The following TYRP1 variants were observed in gnomAD, a reference collection of about 807,000 sequenced individuals.
TYRP1 encodes 5,6-dihydroxyindole-2-carboxylic acid oxidase.
In TYRP1, 49 loss-of-function variants were observed where a neutral mutation model predicts 42.8. The ratio of observed to expected loss-of-function variants is 1.14; its 90% CI spans 0.91 to 1.45. The LOEUF is 1.45. TYRP1 is among the 40% of genes most tolerant of loss of function. The probability of loss-of-function intolerance (pLI) is 0.00; values close to 1 mark genes in which losing one functional copy is unlikely to be tolerated. For synonymous variants in TYRP1, 279 were observed against 235.4 expected, an observed-to-expected ratio of 1.19 and a Z score of -1.69; for missense variants, 848 against 662.0, an observed-to-expected ratio of 1.28 and a Z score of -3.08.
Position 12,698,598 on chromosome 9 carries a change from T to A in TYRP1, c.856T>A (p.Trp286Arg). Reference protein sequence around the residue: ...LISPNSVFSQWRVVCDSLEDY... With the variant: ...LISPNSVFSQRRVVCDSLEDY... ...AAGCCCAAACTCTGTCTTTTCTCAA[T>A]GGCGAGTGGTCTGTGACTCCTTGGA... is the stretch of plus-strand genomic sequence containing the variant. Residue 286 changes from tryptophan to arginine, a missense_variant, in exon 4 of 8, where the codon TGG becomes AGG. Physicochemically the swap from Trp to Arg is moderately radical, Grantham distance 101 (BLOSUM62 -3). Transcript: ENST00000388918. The A allele has an allele frequency of 6.2e-7, 1 of 1,613,812 alleles. No individual in the cohort carries two copies. Among genetic ancestry groups the A allele is most frequent in the Non-Finnish European group, 8.5e-7 (1 of 1,179,794 alleles).
chr9:12,708,482 A>G (rs1818297864), intron 7 of TYRP1, among the ~76,000 whole-genome samples: 1 of 151,928 alleles, frequency 6.6e-6, no homozygotes. Flanking sequence ...AATGAGTTTG[A>G]GCTTAGGCCC....
intron 6 of TYRP1, among the ~76,000 whole-genome samples, chr9:12,705,962 A>G (rs767133822): frequency 5.3e-5 from 8 of 152,110 alleles, no homozygotes; most frequent in African/African-American, 1.9e-4. Flanking sequence ...AAGTGAAACA[A>G]TAAATGAGTG....
chr9:12,709,065 T>A lies in TYRP1; in HGVS notation c.1497T>A (p.Tyr499Ter), dbSNP rs1818310541. The stretch of plus-strand genomic sequence containing the variant: ...CACTCATTTTTGGGACTGCTTCTTA[T>A]CTGATTCGTGCCAGACGCAGTATGG... ...LVALIFGTAS[Y>*]LIRARRSMDE... The change falls in exon 8 of 8, where the codon TAT becomes TAA. Residue 499 changes from tyrosine to a stop codon, truncating the protein, a stop_gained. Coordinates refer to ENST00000388918, the MANE Select transcript of TYRP1 (RefSeq NM_000550.3). LOFTEE classifies it high-confidence loss of function. 6.2e-7 allele frequency: 1 copy of A among 1,612,892 alleles called. No individual in the cohort carries two copies. The highest frequency in any genetic ancestry group is 8.5e-7 in the Non-Finnish European group (1 of 1,179,288).
chr9:12,708,059 C>T lies in TYRP1; in HGVS notation c.1324C>T (p.Pro442Ser), dbSNP rs778168386. 6 of 1,612,732 alleles carry T rather than the reference C, an allele frequency of 3.7e-6. No individual in the cohort carries two copies. Among genetic ancestry groups the T allele is most frequent in the Non-Finnish European group, 4.2e-6 (5 of 1,179,264 alleles). ...IGHNRQYNMV[P>S]FWPPVTNTEM... ...ACATAATAGACAATACAACATGGTG[C>T]CATTCTGGCCCCCAGTCACCAACAC... Residue 442 changes from proline to serine, a missense_variant, in exon 7 of 8, where the codon CCA (proline) becomes TCA (serine). Transcript: ENST00000388918.
intron 6 of TYRP1, among the ~76,000 whole-genome samples, chr9:12,706,892 CTT>C (rs1381270499): frequency 6.6e-6 from 1 of 151,806 alleles, no homozygotes; most frequent in East Asian, 1.9e-4. Flanking sequence ...ATAGAAAGCT[CTT>C]TACAAATTGC....
chr9:12,698,218 T>A (rs1818107582), intron 3 of TYRP1, among the ~76,000 whole-genome samples: 1 of 152,122 alleles, frequency 6.6e-6, no homozygotes, highest in African/African-American at 2.4e-5. Context: ...AATGTCTGCA[T>A]AATGAGTTGA....
At chr9:12,698,381 G>C in intron 3 of TYRP1, 70 bp from the exon 4 acceptor site, 4 of 1,440,548 alleles carry the variant, frequency 2.8e-6, no homozygotes, top group Non-Finnish European at 3.9e-6. Flanking sequence ...GACTGTCAGA[G>C]AGTAGACCAA....
intron 7 of TYRP1, 56 bp downstream of exon 7, chr9:12,708,199 C>T: frequency 6.3e-7 from 1 of 1,590,628 alleles, no homozygotes; most frequent in South Asian, 1.1e-5. Context: ...AATGTGTTAT[C>T]TTTCAAGTAG....
At chr9:12,700,696 T>C (rs1818152955) in intron 4 of TYRP1, 1 of 152,094 alleles carries the variant, frequency 6.6e-6, no homozygotes, top group Admixed American at 6.6e-5. Flanking sequence ...TTTTCTACAA[T>C]GGAACTCTGT....
chr9:12,703,690 T>A (rs1253515241), intron 5 of TYRP1, among the ~76,000 whole-genome samples: 1 of 151,766 alleles, frequency 6.6e-6, no homozygotes. Context: ...ACAATTCATC[T>A]TAGATGAAGA....
In TYRP1 at chr9:12,695,844, A is replaced by G. The variant is rs1233715699; in HGVS notation, c.708+7A>G. ...TCTGGAGAAAGACATGCAGGTATGT[A>G]AGAAGCATTTCAGTTTGCAGACTCT... On this transcript the variant is annotated splice_region_variant and intron_variant, in intron 3 of 7. Coordinates refer to ENST00000388918, the MANE Select transcript of TYRP1 (RefSeq NM_000550.3). 1 of 1,613,704 alleles carries G rather than the reference A, an allele frequency of 6.2e-7. No homozygotes were observed. Among genetic ancestry groups the G allele is most frequent in the Admixed American group, 1.7e-5 (1 of 60,008 alleles).
Position 12,695,559 on chromosome 9 carries a change from T to C in TYRP1, c.430T>C (p.Phe144Leu). 6.2e-7 allele frequency: 1 copy of C among 1,614,120 alleles called. No individual in the cohort carries two copies. Among genetic ancestry groups the C allele is most frequent in the Non-Finnish European group, 8.5e-7 (1 of 1,180,018 alleles). Residue 144 changes from phenylalanine to leucine, a missense_variant, in exon 3 of 8, where the codon TTT becomes CTT. Coordinates refer to ENST00000388918, the MANE Select transcript of TYRP1 (RefSeq NM_000550.3). ...LDLSKEEKNHFVRALDMAKRT... is the reference protein window; with the variant it reads ...LDLSKEEKNHLVRALDMAKRT... ...CTTAAGTAAAGAAGAAAAGAACCAC[T>C]TTGTCCGGGCCCTGGATATGGCAAA...
Position 12,695,853 on chromosome 9 carries a change from T to G in TYRP1, c.708+16T>G, listed in dbSNP as rs749362287. Reference sequence around the variant, plus strand: ...AGACATGCAGGTATGTAAGAAGCATTTCAGTTTGCAGACTCTTTACAGACA... The same window carrying G: ...AGACATGCAGGTATGTAAGAAGCATGTCAGTTTGCAGACTCTTTACAGACA... On this transcript the variant is annotated intron_variant, in intron 3 of 7. Transcript: ENST00000388918. The G allele has an allele frequency of 1.2e-5, 19 of 1,612,980 alleles. No homozygotes were observed. The highest frequency in any genetic ancestry group is 1.6e-5 in the Non-Finnish European group (19 of 1,179,638).
rs748069669 is a variant in TYRP1 at position 12,704,529 on chromosome 9, A to G, written c.1085A>G (p.Tyr362Cys). The G allele has an allele frequency of 2.3e-5, 37 of 1,611,654 alleles. No individual in the cohort carries two copies. The highest frequency in any genetic ancestry group is 3.1e-5 in the Non-Finnish European group (37 of 1,179,264). ...CTCCTCCTTACCATGTGTCTAGGTT[A>G]CAGTGACCCCACGGGAAAGTATGAC... ...TNSFRNTVEG[Y>C]SDPTGKYDPA... The change falls in exon 6 of 8, where the codon TAC becomes TGC. Residue 362 changes from tyrosine (Y) to cysteine (C), a missense_variant. By Grantham distance (194) the Tyr-to-Cys change is radical (BLOSUM62 -2). Transcript: ENST00000388918.
intron 7 of TYRP1, 27 bp downstream of exon 7, chr9:12,708,170 G>A: frequency 6.2e-7 from 1 of 1,611,578 alleles, no homozygotes; most frequent in Non-Finnish European, 8.5e-7. Flanking sequence ...TATTTTTACT[G>A]TGATAATTTC....
Position 12,708,102 on chromosome 9 carries a change from C to G in TYRP1, c.1367C>G (p.Ala456Gly), listed in dbSNP as rs774369090. 1.2e-6 allele frequency: 2 copies of G among 1,612,786 alleles called. No homozygotes were observed. Among genetic ancestry groups the G allele is most frequent in the Non-Finnish European group, 1.7e-6 (2 of 1,179,284 alleles). ...PVTNTEMFVTAPDNLGYTYEI... is the reference protein window; with the variant it reads ...PVTNTEMFVTGPDNLGYTYEI... The stretch of plus-strand genomic sequence containing the variant: ...ACCAACACAGAAATGTTTGTTACTG[C>G]TCCAGACAACCTGGGATACACTTAT... Residue 456 changes from alanine to glycine, a missense_variant, in exon 7 of 8, where the codon GCT becomes GGT. Ala to Gly is a moderately conservative substitution (Grantham distance 60, BLOSUM62 0). Transcript: ENST00000388918.
Position 12,704,558 on chromosome 9 carries a change from G to T in TYRP1, c.1114G>T (p.Ala372Ser). The T allele has an allele frequency of 1.9e-6, 3 of 1,612,822 alleles. No individual in the cohort carries two copies. The highest frequency in any genetic ancestry group is 2.5e-6 in the Non-Finnish European group (3 of 1,179,422). The change falls in exon 6 of 8, where the codon GCT (alanine) becomes TCT (serine). Residue 372 changes from alanine to serine, a missense_variant. Coordinates refer to ENST00000388918, the MANE Select transcript of TYRP1 (RefSeq NM_000550.3). ...TGACCCCACGGGAAAGTATGACCCTGCTGTTCGAAGTCTTCACAATTTGGC... is the reference window on the plus strand; with the variant it reads ...TGACCCCACGGGAAAGTATGACCCTTCTGTTCGAAGTCTTCACAATTTGGC... Reference protein sequence around the residue: ...YSDPTGKYDPAVRSLHNLAHL... With the variant: ...YSDPTGKYDPSVRSLHNLAHL...
chr9:12,708,278 G>C (rs1269878813), intron 7 of TYRP1, 135 bp downstream of exon 7: 1 of 1,084,002 alleles, frequency 9.2e-7, no homozygotes, highest in African/African-American at 1.6e-5. Context: ...ACTTTTATTT[G>C]AGGATAAGGG....
At position 12,698,531 on chromosome 9, in the gene TYRP1, T is replaced by C. The variant is rs779089153; in HGVS notation, c.789T>C (p.Asp263=). The C allele has an allele frequency of 1.2e-5, 19 of 1,613,732 alleles. No homozygotes were observed. The Admixed American group carries it at 2.7e-4, about 23-fold the overall frequency. The change falls in exon 4 of 8, where the codon GAT becomes GAC. Residue 263 remains aspartate, a synonymous_variant. Transcript: ENST00000388918. ...AAAATGTCTGTGATATCTGCACGGA[T>C]GACTTGATGGGATCCAGAAGCAACT... ...TGKNVCDICT[D]DLMGSRSNFD...
Sources: gnomAD v4.1 joint callset for allele counts (sites outside exome capture counted in the v4.1 genomes callset) on GRCh38, gnomAD v4.1.1 for gene constraint, MANE v1.5 for transcripts, NCBI Gene and HGNC (gene_info 2026-07-23, HGNC 2026-07-21) for gene names.